The following ACBD7 variants were observed in gnomAD, a reference collection of about 807,000 sequenced individuals.
The protein encoded by ACBD7 is acyl-CoA binding domain containing 7, also known as acyl-CoA-binding domain-containing protein 7.
In ACBD7, 11 loss-of-function variants were observed where a neutral mutation model predicts 13.7. That is an observed-to-expected ratio of 0.80 (90% CI 0.50 to 1.33). ACBD7 has a LOEUF of 1.33. Among genes scored for constraint, ACBD7 ranks in the 40% most tolerant of loss-of-function variants. The probability of loss-of-function intolerance (pLI) is 0.00; values close to 1 mark genes in which losing one functional copy is unlikely to be tolerated. For missense variants in ACBD7, 111 were observed against 103.0 expected (o/e 1.08, Z -0.33); for synonymous variants, 43 against 37.7 (o/e 1.14, Z -0.51).
intron 1 of ACBD7, among the ~76,000 whole-genome samples, chr10:15,080,666 G>A (rs1429950228): frequency 6.6e-6 from 1 of 152,080 alleles, no homozygotes; most frequent in African/African-American, 2.4e-5. Context: ...CCCTAACCCC[G>A]CAAGACCCTC....
chr10:15,085,726 T>C (rs1564541324), intron 1 of ACBD7, among the ~76,000 whole-genome samples: 1 of 152,208 alleles, frequency 6.6e-6, no homozygotes. Flanking sequence ...TCCTAAATGC[T>C]TTGGTGAGGA....
intron 1 of ACBD7, 92 bp downstream of exon 1, chr10:15,088,625 G>C: frequency 1.3e-6 from 2 of 1,507,784 alleles, no homozygotes; most frequent in South Asian, 1.2e-5. Flanking sequence ...ACCGCCGACC[G>C]CTCCCAGGGG....
chr10:15,079,734 G>A (rs776697714), intron 1 of ACBD7, among the ~76,000 whole-genome samples: 4 of 151,546 alleles, frequency 2.6e-5, no homozygotes, highest in Admixed American at 6.6e-5. Context: ...ACCTGCCACC[G>A]CGCCTGGCTA....
rs1308410739 is a variant in ACBD7, at chr10:15,077,177, A to G, written c.*1353T>C. On this transcript the variant is annotated 3_prime_UTR_variant, in exon 4 of 4. Coordinates refer to ENST00000356189, the MANE Select transcript of ACBD7 (RefSeq NM_001039844.3). ...ACAATTCACAAGAGCAAAGATATGG[A>G]ATCAACCTAAGTATCCATCAGCAGA... Among the ~76,000 whole-genome samples, 1 of 152,210 alleles carries G rather than the reference A, an allele frequency of 6.6e-6. No homozygotes were observed. The highest frequency in any genetic ancestry group is 1.5e-5 in the Non-Finnish European group (1 of 68,042).
intron 1 of ACBD7, among the ~76,000 whole-genome samples, chr10:15,081,516 T>C (rs1347671734): frequency 6.6e-6 from 1 of 152,260 alleles, no homozygotes; most frequent in Non-Finnish European, 1.5e-5. Context: ...AGGTTTTAGA[T>C]GAACGCACAC....
At chr10:15,086,900 C>A (rs990253368) in intron 1 of ACBD7, among the ~76,000 whole-genome samples, 1 of 151,900 alleles carries the variant, frequency 6.6e-6, no homozygotes, top group Non-Finnish European at 1.5e-5. Flanking sequence ...GTAATCCCAG[C>A]TACTCAGGAG....
chr10:15,084,054 G>A (rs550158921), intron 1 of ACBD7, among the ~76,000 whole-genome samples: 5 of 152,190 alleles, frequency 3.3e-5, no homozygotes, highest in African/African-American at 4.8e-5. Context: ...GGGAAGGTAC[G>A]GAACGGAAAA....
Position 15,078,584 on chromosome 10 carries a change from C to T in ACBD7, c.213G>A (p.Ala71=), listed in dbSNP as rs369505136. The T allele has an allele frequency of 2.0e-5, 33 of 1,613,976 alleles. No individual in the cohort carries two copies. In the South Asian group the frequency reaches 2.3e-4, roughly 11 times the overall value. ...NLKKGLSTED[A]TSAYISKAKE... ...TTGCTTTAGAAATATAGGCACTCGT[C>T]GCATCTTCCGTCGACAACCCTAGAA... The change falls in exon 4 of 4, where the codon GCG becomes GCA. Residue 71 remains alanine, a synonymous_variant. Transcript: ENST00000356189.
At chr10:15,085,002 C>T (rs1400873574) in intron 1 of ACBD7, among the ~76,000 whole-genome samples, 1 of 152,220 alleles carries the variant, frequency 6.6e-6, no homozygotes, top group African/African-American at 2.4e-5. Flanking sequence ...ACCCTATTCT[C>T]CTGCCTCATC....
chr10:15,083,920 C>A (rs963694559), intron 1 of ACBD7, among the ~76,000 whole-genome samples: 8 of 152,258 alleles, frequency 5.3e-5, no homozygotes, highest in African/African-American at 1.9e-4. Context: ...TGGGCATGCA[C>A]AAGGCAGCGT....
At position 15,078,432 on chromosome 10, in the gene ACBD7, AT is replaced by A; in HGVS notation, c.*97del. 13 of 1,596,024 alleles carry A rather than the reference AT, an allele frequency of 8.1e-6. No individual in the cohort carries two copies. In the Middle Eastern group the frequency reaches 2.5e-3, roughly 306 times the overall value. ...GCTCATGCTAATAGCAAAAATATACATGATACATCAAGTTAACAGTATGCCT... is the reference window on the plus strand; with the variant it reads ...GCTCATGCTAATAGCAAAAATATACAGATACATCAAGTTAACAGTATGCCT... On this transcript the variant is annotated 3_prime_UTR_variant, in exon 4 of 4. Coordinates refer to ENST00000356189, the MANE Select transcript of ACBD7 (RefSeq NM_001039844.3).
Position 15,078,406 on chromosome 10 carries a change from A to G in ACBD7, c.*124T>C. The G allele has an allele frequency of 6.4e-7, 1 of 1,570,368 alleles. No individual in the cohort carries two copies. Among genetic ancestry groups the G allele is most frequent in the Middle Eastern group, 2.3e-4 (1 of 4,274 alleles). On this transcript the variant is annotated 3_prime_UTR_variant, in exon 4 of 4. Transcript: ENST00000356189. ...GTTTCAGTATACTTCTAAGTACTAC[A>G]GCTCATGCTAATAGCAAAAATATAC...
At chr10:15,084,917 T>C (rs1844792021) in intron 1 of ACBD7, among the ~76,000 whole-genome samples, 1 of 147,660 alleles carries the variant, frequency 6.8e-6, no homozygotes, top group African/African-American at 2.6e-5. Context: ...TTTTATTACA[T>C]AGGTGTGGAA....
rs576373107 is a variant in ACBD7, at chr10:15,077,221, G to C, written c.*1309C>G. 6.6e-6 allele frequency among the ~76,000 whole-genome samples: 1 copy of C among 152,060 alleles called. No individual in the cohort carries two copies. The highest frequency in any genetic ancestry group is 6.6e-5 in the Admixed American group (1 of 15,254). On this transcript the variant is annotated 3_prime_UTR_variant, in exon 4 of 4. Transcript: ENST00000356189. ...CAGCAGATGATGGGATAAAGAAAAC[G>C]TTGTATATGTATACCAGGGGATATT...
At chr10:15,081,887 G>A (rs1185351719) in intron 1 of ACBD7, among the ~76,000 whole-genome samples, 1 of 152,206 alleles carries the variant, frequency 6.6e-6, no homozygotes, top group Non-Finnish European at 1.5e-5. Flanking sequence ...TGTCTTCTGA[G>A]TGTCTTCCTA....
At position 15,078,996 on chromosome 10, in the gene ACBD7, T is replaced by G. The variant is rs1237463896; in HGVS notation, c.57A>C (p.Ala19=). Residue 19 remains alanine, a synonymous_variant, in exon 2 of 4, where the codon GCA becomes GCC. Transcript: ENST00000356189. The part of the protein sequence containing the change: ...RAAEDVRKLK[A]RPDDGELKEL... ...CTTTCAGTTCTCCATCATCTGGTCT[T>G]GCTTTCAGCTTCCTCACATCTTCTG... 6.2e-7 allele frequency: 1 copy of G among 1,609,552 alleles called. No homozygotes were observed. The highest frequency in any genetic ancestry group is 8.5e-7 in the Non-Finnish European group (1 of 1,177,842).
At chr10:15,081,095 G>A (rs1301904402) in intron 1 of ACBD7, among the ~76,000 whole-genome samples, 1 of 152,192 alleles carries the variant, frequency 6.6e-6, no homozygotes, top group African/African-American at 2.4e-5. Flanking sequence ...AAGACAGGCA[G>A]TACTGTGGCA....
intron 1 of ACBD7, among the ~76,000 whole-genome samples, chr10:15,087,503 G>A (rs943112600): frequency 8.5e-5 from 13 of 152,202 alleles, no homozygotes; most frequent in African/African-American, 2.7e-4. Flanking sequence ...GAGGCCGGGC[G>A]TGGTGGCTCA....
At chr10:15,085,842 G>C (rs1844802263) in intron 1 of ACBD7, among the ~76,000 whole-genome samples, 1 of 152,094 alleles carries the variant, frequency 6.6e-6, no homozygotes, top group South Asian at 2.1e-4. Context: ...ACTTATTCTT[G>C]TGTAAATAAA....
Sources: gnomAD v4.1 joint callset for allele counts (sites outside exome capture counted in the v4.1 genomes callset) on GRCh38, gnomAD v4.1.1 for gene constraint, MANE v1.5 for transcripts, NCBI Gene and HGNC (gene_info 2026-07-23, HGNC 2026-07-21) for gene names.